The following HDAC9 variants were observed in gnomAD, a reference collection of about 807,000 sequenced individuals.
HDAC9 encodes the protein histone deacetylase 9, also known as MEF-2 interacting transcription repressor (MITR) protein.
In HDAC9, 41 loss-of-function variants were observed where a neutral mutation model predicts 139.4. The ratio of observed to expected loss-of-function variants is 0.29; its 90% CI spans 0.23 to 0.38. The LOEUF is 0.38. HDAC9 is among the 10% of genes least tolerant of loss of function. The pLI is 1.00. For synonymous variants in HDAC9, 517 were observed against 476.2 expected (o/e 1.09, Z -1.12); for missense variants, 1,147 against 1,297.0 (o/e 0.88, Z 1.78).
At chr7:18,268,076 G>T (rs369037702) in intron 2 of HDAC9, among the ~76,000 whole-genome samples, 14 of 152,090 alleles carry the variant, frequency 9.2e-5, no homozygotes, top group African/African-American at 3.4e-4. Context: ...TTTAAAATGT[G>T]CCTTTCTTGA....
chr7:18,126,747 G>C lies in HDAC9; in HGVS notation c.-96-35482G>C, dbSNP rs188562057. Among the ~76,000 whole-genome samples, 14 of 152,072 alleles carry C rather than the reference G, an allele frequency of 9.2e-5. No homozygotes were observed. The East Asian group carries it at 2.7e-3, about 29-fold the overall frequency. ...AAACTACCAATTTCTGAGAGTGAGG[G>C]GTTTACTAGTGCTGGCTGTCAATTT... On this transcript the variant is annotated intron_variant, in intron 1 of 12. Transcript: ENST00000417496.
chr7:18,325,457 C>A (rs1800364164), intron 1 of HDAC9: 1 of 152,010 alleles, frequency 6.6e-6, no homozygotes, highest in African/African-American at 2.4e-5. Context: ...CATATAGTCA[C>A]CACAATGTAA....
At chr7:18,186,334 C>G (rs1789912089) in intron 2 of HDAC9, among the ~76,000 whole-genome samples, 2 of 152,206 alleles carry the variant, frequency 1.3e-5, no homozygotes, top group Non-Finnish European at 2.9e-5. Context: ...CTTGATATTT[C>G]CCAACTGAGC....
At chr7:18,798,691 T>C (rs1423889952) in intron 17 of HDAC9, among the ~76,000 whole-genome samples, 1 of 152,150 alleles carries the variant, frequency 6.6e-6, no homozygotes, top group East Asian at 1.9e-4. Flanking sequence ...GTGAAAGCCT[T>C]TTTCTTAGAA....
intron 22 of HDAC9, among the ~76,000 whole-genome samples, chr7:18,926,750 G>A (rs1290475369): frequency 2.6e-5 from 4 of 152,068 alleles, no homozygotes; most frequent in Non-Finnish European, 5.9e-5. Flanking sequence ...AAAAATAATG[G>A]CATTGAAGTA....
intron 1 of HDAC9, among the ~76,000 whole-genome samples, chr7:18,466,690 A>G (rs1794305028): frequency 6.6e-6 from 1 of 152,178 alleles, no homozygotes; most frequent in Admixed American, 6.5e-5. Flanking sequence ...AAATTTAGCT[A>G]ATTAAAGCAT....
At chr7:18,992,784 T>A (rs763840123) in intron 25 of HDAC9, among the ~76,000 whole-genome samples, 6 of 152,342 alleles carry the variant, frequency 3.9e-5, no homozygotes, top group South Asian at 4.1e-4. Flanking sequence ...AATCTTTGAT[T>A]ATCAATGACA....
rs138192143 is a variant in HDAC9, at chr7:18,145,015, A to T, written c.-96-17214A>T. On this transcript the variant is annotated intron_variant, in intron 1 of 12. Coordinates refer to the HDAC9 transcript ENST00000417496. ...CCGACTCTGGGAACACTCCCTAGCC[A>T]CAAAGACTTAAGTTTCACTTGCTTT... 1.1e-4 allele frequency among the ~76,000 whole-genome samples: 16 copies of T among 152,336 alleles called. No individual in the cohort carries two copies. The East Asian group carries it at 3.1e-3, about 29-fold the overall frequency.
chr7:18,335,367 G>A (rs1315601046), intron 1 of HDAC9, among the ~76,000 whole-genome samples: 1 of 151,474 alleles, frequency 6.6e-6, no homozygotes, highest in African/African-American at 2.4e-5. Context: ...TTCTTCAGCA[G>A]GTAGGACGGT....
At chr7:18,775,065 A>G (rs1000541569) in intron 16 of HDAC9, among the ~76,000 whole-genome samples, 55 of 152,160 alleles carry the variant, frequency 3.6e-4, no homozygotes, top group African/African-American at 1.3e-3. Flanking sequence ...GAGAAAGAGA[A>G]GAGATGGAGG....
At chr7:18,730,807 T>A (rs987943088) in intron 13 of HDAC9, among the ~76,000 whole-genome samples, 8 of 152,346 alleles carry the variant, frequency 5.3e-5, no homozygotes, top group East Asian at 1.9e-4. Flanking sequence ...GATTTTTTTT[T>A]AAATTTCCTT....
chr7:18,774,922 C>G (rs961475027), intron 16 of HDAC9, among the ~76,000 whole-genome samples: 1 of 152,002 alleles, frequency 6.6e-6, no homozygotes, highest in African/African-American at 2.4e-5. Flanking sequence ...TTAATCATTT[C>G]TAGCTTTTGA....
intron 1 of HDAC9, among the ~76,000 whole-genome samples, chr7:18,125,017 A>G (rs1213047073): frequency 1.3e-5 from 2 of 152,060 alleles, no homozygotes; most frequent in African/African-American, 4.8e-5. Context: ...ATAAAAGAAC[A>G]TTAAAGCAGA....
At chr7:18,655,607 T>A (rs1790871905) in intron 11 of HDAC9, among the ~76,000 whole-genome samples, 1 of 152,142 alleles carries the variant, frequency 6.6e-6, no homozygotes, top group East Asian at 1.9e-4. Context: ...TGCTTTATTA[T>A]TAGATGTGAT....
intron 1 of HDAC9, among the ~76,000 whole-genome samples, chr7:18,123,160 A>G (rs1010492696): frequency 6.6e-6 from 1 of 152,188 alleles, no homozygotes; most frequent in Non-Finnish European, 1.5e-5. Context: ...CTGGTAGGCT[A>G]TCTTAGTTCT....
At chr7:18,469,048 A>G (rs1027059932) in intron 1 of HDAC9, among the ~76,000 whole-genome samples, 4 of 152,164 alleles carry the variant, frequency 2.6e-5, no homozygotes, top group African/African-American at 9.6e-5. Context: ...CCTACTCTAC[A>G]TTGATTCAGA....
At chr7:18,885,686 G>C (rs561613722) in intron 22 of HDAC9, among the ~76,000 whole-genome samples, 1 of 152,010 alleles carries the variant, frequency 6.6e-6, no homozygotes, top group Non-Finnish European at 1.5e-5. Flanking sequence ...AAATATGTAC[G>C]CACTTTTTAA....
chr7:18,767,263 T>G (rs1296196716), intron 16 of HDAC9, 108 bp downstream of exon 16: 1 of 565,302 alleles, frequency 1.8e-6, no homozygotes, highest in Non-Finnish European at 3.0e-6. Context: ...AAAGTTATGC[T>G]AGACTTCAGG....
intron 17 of HDAC9, among the ~76,000 whole-genome samples, chr7:18,796,100 C>T (rs555784955): frequency 6.6e-4 from 101 of 152,178 alleles, no homozygotes; most frequent in African/African-American, 2.3e-3. Context: ...GATACCACAT[C>T]GTATGAGATT....
Sources: allele counts gnomAD v4.1 joint callset (sites outside exome capture counted in the v4.1 genomes callset), GRCh38; gene constraint gnomAD v4.1.1; transcripts MANE v1.5; gene names NCBI Gene and HGNC (gene_info 2026-07-23, HGNC 2026-07-21).